Variants in MAF observed in about 807,000 individuals in gnomAD.
MAF encodes the protein MAF bZIP transcription factor, also known as transcription factor Maf.
Under a neutral mutation model 22.0 loss-of-function variants are expected in MAF, and 10 were observed. The observed-to-expected ratio is 0.45, with a 90% CI of 0.28 to 0.77. MAF has a LOEUF of 0.77. Ranked by LOEUF, MAF falls within the 30% of genes least tolerant of loss-of-function variation. The pLI is 0.12. For synonymous variants in MAF, 337 were observed against 255.8 expected (o/e 1.32, Z -3.03); for missense variants, 544 against 548.4 (o/e 0.99, Z 0.08).
chr16:79,286,381 G>C, the MAF span, among the ~76,000 whole-genome samples: 1 of 152,100 alleles, frequency 6.6e-6, no homozygotes, highest in African/African-American at 2.4e-5. Context: ...AGGAAGCTGA[G>C]GTCACCTGAT....
the MAF span, among the ~76,000 whole-genome samples, chr16:79,573,495 G>A: frequency 6.6e-6 from 1 of 152,092 alleles, no homozygotes; most frequent in Non-Finnish European, 1.5e-5. Flanking sequence ...ATATCTTCTG[G>A]AAAGCATTGA....
At chr16:79,390,877 TG>T in the MAF span, among the ~76,000 whole-genome samples, 1 of 152,226 alleles carries the variant, frequency 6.6e-6, no homozygotes, top group Non-Finnish European at 1.5e-5. Flanking sequence ...ACCTGGGCGT[TG>T]GACCATGCTG....
the MAF span, among the ~76,000 whole-genome samples, chr16:79,355,531 A>C: frequency 6.6e-6 from 1 of 152,176 alleles, no homozygotes; most frequent in Non-Finnish European, 1.5e-5. Context: ...AGGACCATGA[A>C]TGTATTGCTC....
the MAF span, among the ~76,000 whole-genome samples, chr16:79,469,323 A>C: frequency 6.6e-6 from 1 of 152,216 alleles, no homozygotes; most frequent in Non-Finnish European, 1.5e-5. Context: ...AAGTTTGCTG[A>C]TTCTTACACT....
the MAF span, among the ~76,000 whole-genome samples, chr16:79,264,931 C>T: frequency 1.3e-5 from 2 of 152,102 alleles, no homozygotes; most frequent in Admixed American, 1.3e-4. Flanking sequence ...CTTGCAAAGT[C>T]AAAGGGGAAG....
At chr16:79,597,842 T>C in intron 1 of MAF, 1 of 1,028,574 alleles carries the variant, frequency 9.7e-7, no homozygotes, top group South Asian at 4.6e-5. Context: ...CCATAAAGTC[T>C]TTGAAACAGT....
the MAF span, among the ~76,000 whole-genome samples, chr16:79,395,542 T>A: frequency 6.6e-6 from 1 of 152,020 alleles, no homozygotes; most frequent in African/African-American, 2.4e-5. Flanking sequence ...AGAGAGGCAC[T>A]GAGGGGCAGG....
the MAF span, among the ~76,000 whole-genome samples, chr16:79,562,713 C>A: frequency 6.6e-6 from 1 of 152,104 alleles, no homozygotes; most frequent in East Asian, 1.9e-4. Context: ...AGAAGGCCAC[C>A]CACTCACCAC....
chr16:79,538,147 G>A, the MAF span, among the ~76,000 whole-genome samples: 1 of 152,126 alleles, frequency 6.6e-6, no homozygotes, highest in Non-Finnish European at 1.5e-5. Flanking sequence ...TGAGAAGAAT[G>A]ATCACTATAG....
the MAF span, among the ~76,000 whole-genome samples, chr16:79,350,762 A>C: frequency 6.6e-6 from 1 of 152,190 alleles, no homozygotes; most frequent in Non-Finnish European, 1.5e-5. Flanking sequence ...CTGTTCAAGC[A>C]GGCATTCCAG....
At chr16:79,398,000 G>C in the MAF span, among the ~76,000 whole-genome samples, 4 of 152,208 alleles carry the variant, frequency 2.6e-5, no homozygotes, top group Non-Finnish European at 5.9e-5. Flanking sequence ...CACAGTTCTG[G>C]AGATCAGAAG....
chr16:79,514,981 A>C, the MAF span, among the ~76,000 whole-genome samples: 1 of 152,140 alleles, frequency 6.6e-6, no homozygotes, highest in East Asian at 1.9e-4. Context: ...TGCCACCATT[A>C]CCGTGCTCAA....
At chr16:79,490,394 C>G in the MAF span, among the ~76,000 whole-genome samples, 5 of 152,328 alleles carry the variant, frequency 3.3e-5, no homozygotes, top group Admixed American at 6.5e-5. Flanking sequence ...GGGCGAGCAG[C>G]CTGTGGAGAT....
the MAF span, among the ~76,000 whole-genome samples, chr16:79,579,450 A>C: frequency 6.6e-6 from 1 of 152,194 alleles, no homozygotes; most frequent in African/African-American, 2.4e-5. Context: ...TATTTTTTCA[A>C]ATATTTATTT....
the MAF span, among the ~76,000 whole-genome samples, chr16:79,292,001 C>T: frequency 3.5e-4 from 53 of 151,396 alleles, no homozygotes; most frequent in African/African-American, 8.2e-4. Context: ...TTCAAACAGA[C>T]GAGGAAACTG....
chr16:79,260,648 C>T, the MAF span, among the ~76,000 whole-genome samples: 2 of 152,236 alleles, frequency 1.3e-5, no homozygotes, highest in South Asian at 2.1e-4. Context: ...TAAGTGCTGC[C>T]GATCTTCGGC....
the MAF span, among the ~76,000 whole-genome samples, chr16:79,452,220 T>C: frequency 1.3e-5 from 2 of 152,190 alleles, no homozygotes; most frequent in African/African-American, 4.8e-5. Context: ...TAGATAATTT[T>C]ATGTGGAGAA....
the MAF span, among the ~76,000 whole-genome samples, chr16:79,468,915 C>T: frequency 1.3e-5 from 2 of 152,104 alleles, no homozygotes; most frequent in African/African-American, 2.4e-5. Context: ...GCTTTGATTG[C>T]CTTCAATCAA....
the MAF span, among the ~76,000 whole-genome samples, chr16:79,382,134 C>T: frequency 2.0e-5 from 3 of 152,150 alleles, no homozygotes; most frequent in Non-Finnish European, 4.4e-5. Context: ...TTCCAAAATG[C>T]CACAAGCAAA....
Sources: allele counts gnomAD v4.1 joint callset (sites outside exome capture counted in the v4.1 genomes callset), GRCh38; gene constraint gnomAD v4.1.1; transcripts MANE v1.5; gene names NCBI Gene and HGNC (gene_info 2026-07-23, HGNC 2026-07-21).